Variants in SAMMSON observed in about 807,000 individuals in gnomAD.
SAMMSON encodes long intergenic non-protein coding RNA 1212.
At chr3:70,050,080 G>C (rs576739645) in intron 3 of SAMMSON, among the ~76,000 whole-genome samples, 2 of 152,068 alleles carry the variant, frequency 1.3e-5, no homozygotes, top group African/African-American at 4.8e-5. Flanking sequence ...ACAAGCTAAA[G>C]GCCCCACCTA....
intron 3 of SAMMSON, among the ~76,000 whole-genome samples, chr3:70,063,400 A>T (rs1178788046): frequency 2.0e-5 from 3 of 152,006 alleles, no homozygotes; most frequent in Non-Finnish European, 4.4e-5. Flanking sequence ...ACCCCATTGG[A>T]TTCCTTGCTC....
At chr3:70,381,991 T>C (rs927391069) in intron 9 of SAMMSON, among the ~76,000 whole-genome samples, 1 of 152,122 alleles carries the variant, frequency 6.6e-6, no homozygotes, top group Non-Finnish European at 1.5e-5. Flanking sequence ...TTAGGTGTAA[T>C]ACTCATATTG....
At chr3:70,062,900 A>G (rs1306752136) in intron 3 of SAMMSON, among the ~76,000 whole-genome samples, 1 of 152,114 alleles carries the variant, frequency 6.6e-6, no homozygotes, top group Non-Finnish European at 1.5e-5. Flanking sequence ...CATATTGGAC[A>G]TTCTATTTTG....
intron 4 of SAMMSON, among the ~76,000 whole-genome samples, chr3:70,122,701 A>G (rs1232548753): frequency 1.3e-5 from 2 of 152,244 alleles, no homozygotes; most frequent in African/African-American, 4.8e-5. Context: ...TCAGGCATGT[A>G]TTCCTTAAAT....
chr3:70,016,345 G>A (rs919658672), intron 3 of SAMMSON, among the ~76,000 whole-genome samples: 2 of 150,988 alleles, frequency 1.3e-5, no homozygotes, highest in African/African-American at 5.0e-5. Flanking sequence ...TGTGTCTGTT[G>A]TCTGTATAAA....
chr3:70,240,483 C>G (rs1047265117), intron 4 of SAMMSON, among the ~76,000 whole-genome samples: 2 of 151,974 alleles, frequency 1.3e-5, no homozygotes, highest in Admixed American at 1.3e-4. Context: ...AAGTTGGACC[C>G]TAACTAAAAA....
chr3:70,358,037 G>A (rs1350637656), intron 8 of SAMMSON, among the ~76,000 whole-genome samples: 5 of 152,070 alleles, frequency 3.3e-5, no homozygotes, highest in Non-Finnish European at 5.9e-5. Flanking sequence ...GAGTCAGTTC[G>A]TACAGTTCCC....
chr3:70,093,823 A>T (rs887513541), intron 4 of SAMMSON, among the ~76,000 whole-genome samples: 15 of 152,164 alleles, frequency 9.9e-5, no homozygotes, highest in Non-Finnish European at 1.8e-4. Flanking sequence ...GAGCAAAACC[A>T]TATTGGCCCA....
intron 4 of SAMMSON, among the ~76,000 whole-genome samples, chr3:70,128,259 G>A (rs1033800435): frequency 2.0e-5 from 3 of 151,956 alleles, no homozygotes; most frequent in East Asian, 1.9e-4. Flanking sequence ...TTCCTCTCCC[G>A]AACCAAAACT....
intron 4 of SAMMSON, among the ~76,000 whole-genome samples, chr3:70,234,510 A>AT (rs1701589794): frequency 6.6e-6 from 1 of 152,030 alleles, no homozygotes; most frequent in African/African-American, 2.4e-5. Context: ...TCAGCCAGGC[A>AT]TGGTGGCATG....
intron 4 of SAMMSON, among the ~76,000 whole-genome samples, chr3:70,232,626 C>A (rs1701571308): frequency 6.6e-6 from 1 of 152,014 alleles, no homozygotes; most frequent in Admixed American, 6.6e-5. Flanking sequence ...TCTCAATCTC[C>A]TGAGCTCGTG....
Position 70,352,479 on chromosome 3 carries a change from G to A in SAMMSON, n.740-1696G>A, listed in dbSNP as rs1702801013. ...CAGATGAAGGAAAATAAGAGAATTT[G>A]TCACCAGAACACTAATCCTAAAATG... On this transcript the variant is annotated intron_variant and non_coding_transcript_variant, in intron 7 of 9. Transcript: ENST00000642114. 2.0e-5 allele frequency among the ~76,000 whole-genome samples: 3 copies of A among 152,030 alleles called. No individual in the cohort carries two copies. In the South Asian group the frequency reaches 6.2e-4, roughly 31 times the overall value.
At chr3:70,427,737 C>CAAAA (rs34837077) in intron 2 of SAMMSON, among the ~76,000 whole-genome samples, 7 of 102,872 alleles carry the variant, frequency 6.8e-5, no homozygotes, top group Admixed American at 1.0e-4. Flanking sequence ...AACTCCGTCT[C>CAAAA]AAAAAAAAAA....
chr3:70,090,792 A>T (rs1248355800), intron 4 of SAMMSON, among the ~76,000 whole-genome samples: 5 of 152,104 alleles, frequency 3.3e-5, no homozygotes, highest in African/African-American at 1.2e-4. Context: ...AAAAAAAAAA[A>T]ACCATTGGCT....
At chr3:70,348,767 G>A (rs1702770852) in intron 7 of SAMMSON, among the ~76,000 whole-genome samples, 2 of 152,110 alleles carry the variant, frequency 1.3e-5, no homozygotes, top group South Asian at 4.1e-4. Context: ...GGGGACACAG[G>A]TCACAGAGGA....
At chr3:70,318,971 T>A (rs2106715638) in intron 7 of SAMMSON, among the ~76,000 whole-genome samples, 1 of 152,186 alleles carries the variant, frequency 6.6e-6, no homozygotes, top group South Asian at 2.1e-4. Context: ...AAATATCTCC[T>A]CTTTGGTTGA....
chr3:70,294,838 T>C (rs1480690606), intron 7 of SAMMSON, among the ~76,000 whole-genome samples: 1 of 152,146 alleles, frequency 6.6e-6, no homozygotes, highest in Non-Finnish European at 1.5e-5. Flanking sequence ...GTTTCAAGCA[T>C]CACGTAGCAA....
At chr3:70,226,791 G>C (rs1701511497) in intron 4 of SAMMSON, among the ~76,000 whole-genome samples, 1 of 149,568 alleles carries the variant, frequency 6.7e-6, no homozygotes, top group Admixed American at 6.7e-5. Context: ...TTAAAAACAA[G>C]ATATTCTGAA....
intron 7 of SAMMSON, among the ~76,000 whole-genome samples, chr3:70,292,898 T>C (rs1426470597): frequency 2.0e-5 from 3 of 152,002 alleles, no homozygotes; most frequent in Admixed American, 2.0e-4. Flanking sequence ...CAATAATAGC[T>C]TTAGAATATT....
Sources: gnomAD v4.1 joint callset for allele counts (sites outside exome capture counted in the v4.1 genomes callset) on GRCh38, gnomAD v4.1.1 for gene constraint, MANE v1.5 for transcripts, NCBI Gene and HGNC (gene_info 2026-07-23, HGNC 2026-07-21) for gene names.